The following SYNGR1 variants were observed in gnomAD, a reference collection of about 807,000 sequenced individuals.
The protein encoded by SYNGR1 is synaptogyrin 1, also known as synaptogyrin-1.
A neutral mutation model predicts 26.1 loss-of-function variants in SYNGR1; 14 were observed. The observed-to-expected ratio is 0.54, with a 90% confidence interval of 0.35 to 0.84. The LOEUF (loss-of-function observed/expected upper bound fraction) is 0.84, where lower values mean the gene tolerates loss of function less well. Among genes scored for constraint, SYNGR1 ranks in the 40% least tolerant of loss-of-function variants. SYNGR1 has a pLI of 0.01. For missense variants in SYNGR1, 319 were observed against 332.9 expected (o/e 0.96, Z 0.33); for synonymous variants, 141 against 150.1 (o/e 0.94, Z 0.44).
At chr22:39,377,714 G>A (rs1236829109) in intron 3 of SYNGR1, 1 of 1,610,362 alleles carries the variant, frequency 6.2e-7, no homozygotes, top group Non-Finnish European at 8.5e-7. Flanking sequence ...GCAGAGGCCG[G>A]CAGCCCTGTA....
intron 3 of SYNGR1, among the ~76,000 whole-genome samples, 171 bp downstream of exon 3, chr22:39,376,368 C>T (rs951484949): frequency 3.9e-5 from 6 of 152,154 alleles, no homozygotes; most frequent in Non-Finnish European, 5.9e-5. Flanking sequence ...CTGCCTCCCT[C>T]AGCAAGGAGG....
chr22:39,360,645 G>C (rs2049985), intron 1 of SYNGR1, among the ~76,000 whole-genome samples: 33,722 of 152,102 alleles, frequency 0.22, 5,284 homozygotes, highest in East Asian at 0.78. Context: ...TGCTGAGCAC[G>C]GGCCGGATGA....
chr22:39,359,008 T>C (rs1243093777), intron 1 of SYNGR1, among the ~76,000 whole-genome samples: 1 of 152,198 alleles, frequency 6.6e-6, no homozygotes, highest in Non-Finnish European at 1.5e-5. Flanking sequence ...CTTTAACAAG[T>C]TGGGGCTCCT....
chr22:39,384,901 T>C lies in SYNGR1; in HGVS notation c.*2987T>C. ...GGAGAGGTTCAGGAGTCAGGTCTTC[T>C]GCCTTCTGAGTTGGCTCATCCTGGG... On this transcript the variant is annotated 3_prime_UTR_variant, in exon 4 of 4. Coordinates refer to ENST00000328933, the MANE Select transcript of SYNGR1 (RefSeq NM_004711.5). 2.5e-6 allele frequency: 1 copy of C among 398,924 alleles called. No homozygotes were observed. Among genetic ancestry groups the C allele is most frequent in the Non-Finnish European group, 4.4e-6 (1 of 226,134 alleles). 24.7% of individuals were successfully genotyped at this position (398,924 alleles called of 1,614,324 possible).
chr22:39,385,272 G>C lies in SYNGR1; in HGVS notation c.*3358G>C, dbSNP rs1457636205. 1 of 340,528 alleles carries C rather than the reference G, an allele frequency of 2.9e-6. No individual in the cohort carries two copies. The highest frequency in any genetic ancestry group is 5.3e-6 in the Non-Finnish European group (1 of 190,054). 21.1% of individuals were successfully genotyped at this position (340,528 alleles called of 1,614,324 possible). ...TGTCCTGGTGCGCACAGCCCTTGTCGGTGCCCCGGCCCCTCCCGCAGCGTT... is the reference window on the plus strand; with the variant it reads ...TGTCCTGGTGCGCACAGCCCTTGTCCGTGCCCCGGCCCCTCCCGCAGCGTT... On this transcript the variant is annotated 3_prime_UTR_variant, in exon 4 of 4. Transcript: ENST00000328933.
At chr22:39,354,412 G>C (rs1001533246) in intron 1 of SYNGR1, among the ~76,000 whole-genome samples, 1 of 152,174 alleles carries the variant, frequency 6.6e-6, no homozygotes, top group South Asian at 2.1e-4. Flanking sequence ...TCCACATTCT[G>C]TGTACTCCCT....
At chr22:39,374,854 C>T (rs1017326612) in intron 2 of SYNGR1, 10 of 467,952 alleles carry the variant, frequency 2.1e-5, no homozygotes, top group African/African-American at 9.8e-5. Context: ...TGGGTTGGCC[C>T]GTGTTTCAGT....
At chr22:39,376,754 G>A (rs1214812638) in intron 3 of SYNGR1, among the ~76,000 whole-genome samples, 1 of 151,118 alleles carries the variant, frequency 6.6e-6, no homozygotes, top group Non-Finnish European at 1.5e-5. Flanking sequence ...ACACATGCGT[G>A]CCTATCCTAA....
intron 1 of SYNGR1, among the ~76,000 whole-genome samples, chr22:39,354,998 A>T (rs988652219): frequency 1.3e-5 from 2 of 152,232 alleles, no homozygotes; most frequent in African/African-American, 4.8e-5. Context: ...GGGTAGAGAC[A>T]GAACCTCTGG....
chr22:39,377,730 C>T, intron 3 of SYNGR1: 1 of 1,605,880 alleles, frequency 6.2e-7, no homozygotes, highest in Admixed American at 1.7e-5. Context: ...CTGTATCACC[C>T]CTGGCAGTGA....
At chr22:39,352,053 G>A (rs1923929636) in intron 1 of SYNGR1, among the ~76,000 whole-genome samples, 1 of 152,208 alleles carries the variant, frequency 6.6e-6, no homozygotes, top group Non-Finnish European at 1.5e-5. Flanking sequence ...CTCAGCGAGC[G>A]AGGCCAAGTG....
At chr22:39,352,486 A>G (rs947889754) in intron 1 of SYNGR1, among the ~76,000 whole-genome samples, 1 of 152,186 alleles carries the variant, frequency 6.6e-6, no homozygotes, top group Non-Finnish European at 1.5e-5. Context: ...CAACAGAAAA[A>G]GTTTGGTGGG....
chr22:39,356,984 G>A (rs907608045), intron 1 of SYNGR1, among the ~76,000 whole-genome samples: 2 of 152,114 alleles, frequency 1.3e-5, no homozygotes, highest in South Asian at 2.1e-4. Flanking sequence ...GGGGCCAGGC[G>A]CGATGGCTCA....
rs1923822010 is a variant in SYNGR1 at position 39,350,041 on chromosome 22, G to A, written c.31G>A (p.Ala11Thr). The A allele has an allele frequency of 2.1e-6, 3 of 1,416,214 alleles. No homozygotes were observed. The South Asian group carries it at 4.1e-5, about 19-fold the overall frequency. 87.7% of individuals were successfully genotyped at this position (1,416,214 alleles called of 1,614,324 possible). Residue 11 changes from alanine (A) to threonine (T), a missense_variant, in exon 1 of 4, where the codon GCC becomes ACC. Coordinates refer to ENST00000328933, the MANE Select transcript of SYNGR1 (RefSeq NM_004711.5). The surrounding 1 kb of genome is among the most constrained non-coding windows in gnomAD (Gnocchi z 4.3). ...AGGGGGTGCGTACGGAGCGGGCAAA[G>A]CCGGGGGCGCCTTCGACCCCTACAC... MEGGAYGAGKAGGAFDPYTLV... is the reference protein window; with the variant it reads MEGGAYGAGKTGGAFDPYTLV...
intron 1 of SYNGR1, among the ~76,000 whole-genome samples, chr22:39,365,827 C>CTCTTT (rs929077296): frequency 1.1e-4 from 17 of 151,352 alleles, no homozygotes; most frequent in African/African-American, 3.9e-4. Context: ...CCCCCATCTG[C>CTCTTT]TCTTTTTCTT....
chr22:39,363,708 G>T (rs1000093534), intron 1 of SYNGR1, among the ~76,000 whole-genome samples: 9 of 152,106 alleles, frequency 5.9e-5, no homozygotes, highest in Non-Finnish European at 1.2e-4. Flanking sequence ...CCTGGGGACT[G>T]CCTGGAGGAG....
chr22:39,380,723 C>T (rs1018286405), intron 3 of SYNGR1, among the ~76,000 whole-genome samples: 4 of 147,126 alleles, frequency 2.7e-5, no homozygotes, highest in African/African-American at 7.7e-5. Flanking sequence ...TGGGTTCAAG[C>T]GATTCTCCTG....
rs1391112955 is a variant in SYNGR1 at position 39,380,616 on chromosome 22, C to CA, written c.484-1080_484-1079insA. Among the ~76,000 whole-genome samples, 2 of 69,976 alleles carry CA rather than the reference C, an allele frequency of 2.9e-5. 1 individual carries two copies. Among genetic ancestry groups the CA allele is most frequent in the African/African-American group, 1.4e-4 (2 of 13,834 alleles). 45.9% of individuals were successfully genotyped at this position (69,976 alleles called of 152,430 possible). ...GTCTTGCTATGTTGCCCAAGCTGGC[C>CA]TTTTTTTTTTTTTTTTTTTTTTTTG... On this transcript the variant is annotated intron_variant, in intron 3 of 3. Transcript: ENST00000328933.
intron 1 of SYNGR1, among the ~76,000 whole-genome samples, chr22:39,353,460 G>A (rs888074864): frequency 2.6e-5 from 4 of 152,222 alleles, no homozygotes; most frequent in Non-Finnish European, 4.4e-5. Flanking sequence ...ACGATGAGGC[G>A]AGGCGTGGGC....
Sources: allele counts gnomAD v4.1 joint callset (sites outside exome capture counted in the v4.1 genomes callset), GRCh38; gene constraint gnomAD v4.1.1; non-coding constraint Gnocchi (gnomAD v3.1); transcripts MANE v1.5; gene names NCBI Gene and HGNC (gene_info 2026-07-23, HGNC 2026-07-21).